The following UNC5C variants were observed in gnomAD, a reference collection of about 807,000 sequenced individuals.
UNC5C encodes the protein unc-5 netrin receptor C.
In UNC5C, 47 loss-of-function variants were observed where a neutral mutation model predicts 99.8. That is an observed-to-expected ratio of 0.47 (90% CI 0.37 to 0.60). The LOEUF is 0.60. Ranked by LOEUF, UNC5C falls within the 20% of genes least tolerant of loss-of-function variation. The probability of loss-of-function intolerance (pLI) is 0.00; values close to 1 mark genes in which losing one functional copy is unlikely to be tolerated. For missense variants in UNC5C, 1,062 were observed against 1,165.9 expected (o/e 0.91, Z 1.30); for synonymous variants, 487 against 452.2 (o/e 1.08, Z -0.98).
In UNC5C at chr4:95,401,964, C is replaced by G. The variant is rs531771511; in HGVS notation, c.125-66333G>C. Among the ~76,000 whole-genome samples the G allele has an allele frequency of 2.6e-5, 4 of 152,268 alleles. No homozygotes were observed. The East Asian group carries it at 7.7e-4, about 29-fold the overall frequency. On this transcript the variant is annotated intron_variant, in intron 1 of 15. Coordinates refer to ENST00000453304, the MANE Select transcript of UNC5C (RefSeq NM_003728.4). ...TCGAAAGTGGTATCTTACTGTGGTT[C>G]TTGAAGATGTGGACAGTGGTTATTA...
chr4:95,447,431 A>G (rs2149465942), intron 1 of UNC5C, among the ~76,000 whole-genome samples: 1 of 152,364 alleles, frequency 6.6e-6, no homozygotes, highest in South Asian at 2.1e-4. Context: ...CAACTAGCCC[A>G]GTGTCACATA....
intron 5 of UNC5C, chr4:95,248,442 G>A (rs1018415374): frequency 1.0e-4 from 42 of 413,184 alleles, no homozygotes; most frequent in Middle Eastern, 7.8e-4. Context: ...TAATAAGATC[G>A]ATACAGAATT....
rs138338801 is a variant in UNC5C at position 95,413,552 on chromosome 4, A to T, written c.125-77921T>A. On this transcript the variant is annotated intron_variant, in intron 1 of 15. Coordinates refer to ENST00000453304, the MANE Select transcript of UNC5C (RefSeq NM_003728.4). ...TTACCTTTGCACTTTATTGAATATA[A>T]TACGATTCAGAATAATCAACTGAAT... Among the ~76,000 whole-genome samples, 13 of 152,326 alleles carry T rather than the reference A, an allele frequency of 8.5e-5. No individual in the cohort carries two copies. The East Asian group carries it at 2.3e-3, about 27-fold the overall frequency.
chr4:95,408,673 T>C (rs560749050), intron 1 of UNC5C, among the ~76,000 whole-genome samples: 1 of 152,298 alleles, frequency 6.6e-6, no homozygotes, highest in South Asian at 2.1e-4. Flanking sequence ...TATTTGTGCT[T>C]AGGGCACTGA....
intron 1 of UNC5C, among the ~76,000 whole-genome samples, chr4:95,546,699 C>T (rs537551748): frequency 9.9e-5 from 15 of 152,152 alleles, no homozygotes; most frequent in Non-Finnish European, 1.5e-4. Context: ...ACAAAAAGTG[C>T]AAGAGAAAAA....
chr4:95,270,403 TTA>T (rs993939578), intron 4 of UNC5C, among the ~76,000 whole-genome samples: 2 of 147,990 alleles, frequency 1.4e-5, no homozygotes, highest in Non-Finnish European at 3.0e-5. Context: ...CAAGCTGAAA[TTA>T]TATCTTTAGA....
chr4:95,493,372 T>C (rs1220082366), intron 1 of UNC5C, among the ~76,000 whole-genome samples: 2 of 151,392 alleles, frequency 1.3e-5, no homozygotes, highest in South Asian at 4.1e-4. Flanking sequence ...AATTCATGGT[T>C]GGAAAGATGG....
At chr4:95,199,683 TGAGGA>T (rs1211743584) in intron 12 of UNC5C, among the ~76,000 whole-genome samples, 1 of 152,196 alleles carries the variant, frequency 6.6e-6, no homozygotes, top group Non-Finnish European at 1.5e-5. Flanking sequence ...ACAAGGTGGC[TGAGGA>T]GAGAACTATG....
At chr4:95,359,533 T>C (rs1216619621) in intron 1 of UNC5C, among the ~76,000 whole-genome samples, 1 of 152,002 alleles carries the variant, frequency 6.6e-6, no homozygotes, top group African/African-American at 2.4e-5. Flanking sequence ...GCCATTTTTC[T>C]ACATTATTTA....
intron 2 of UNC5C, among the ~76,000 whole-genome samples, chr4:95,315,195 A>G (rs988028951): frequency 6.6e-6 from 1 of 152,150 alleles, no homozygotes; most frequent in Non-Finnish European, 1.5e-5. Context: ...AGCATATTAT[A>G]TTCCATATCA....
intron 5 of UNC5C, among the ~76,000 whole-genome samples, chr4:95,248,916 C>T (rs1739595921): frequency 6.6e-6 from 1 of 152,188 alleles, no homozygotes; most frequent in South Asian, 2.1e-4. Context: ...TTCCCATTCA[C>T]TCACTACTCC....
intron 1 of UNC5C, among the ~76,000 whole-genome samples, chr4:95,541,016 A>G (rs186895513): frequency 1.3e-5 from 2 of 152,320 alleles, no homozygotes; most frequent in East Asian, 3.9e-4. Flanking sequence ...AATTCCAAAA[A>G]GATATTAGAA....
chr4:95,318,749 T>C (rs556672975), intron 2 of UNC5C, among the ~76,000 whole-genome samples: 2 of 152,272 alleles, frequency 1.3e-5, no homozygotes, highest in Non-Finnish European at 2.9e-5. Context: ...AAATTTTAAT[T>C]CACTTAAGCC....
intron 2 of UNC5C, among the ~76,000 whole-genome samples, chr4:95,323,619 C>T (rs1211448082): frequency 2.6e-5 from 4 of 152,192 alleles, no homozygotes; most frequent in African/African-American, 9.6e-5. Context: ...TTATACAGAT[C>T]TCCCGTAGTT....
At chr4:95,343,997 T>C (rs557369409) in intron 1 of UNC5C, among the ~76,000 whole-genome samples, 1 of 151,282 alleles carries the variant, frequency 6.6e-6, no homozygotes. Flanking sequence ...AAAGAGGAGG[T>C]AGAGAGAGAT....
intron 2 of UNC5C, among the ~76,000 whole-genome samples, chr4:95,326,920 T>C (rs1000098647): frequency 6.6e-6 from 1 of 152,220 alleles, no homozygotes; most frequent in African/African-American, 2.4e-5. Flanking sequence ...AGCTTGTCAC[T>C]AAATATCCTT....
intron 1 of UNC5C, among the ~76,000 whole-genome samples, chr4:95,385,640 A>G (rs1021182570): frequency 4.6e-5 from 7 of 152,110 alleles, no homozygotes; most frequent in African/African-American, 1.7e-4. Flanking sequence ...CAAAATTACT[A>G]TGTTTACTGA....
At chr4:95,400,285 G>C (rs535816207) in intron 1 of UNC5C, among the ~76,000 whole-genome samples, 1 of 151,880 alleles carries the variant, frequency 6.6e-6, no homozygotes, top group Non-Finnish European at 1.5e-5. Flanking sequence ...TTCTGAGAGA[G>C]GAGAAATGTC....
In UNC5C at chr4:95,483,254, A is replaced by C. The variant is rs891639335; in HGVS notation, c.124+65480T>G. Among the ~76,000 whole-genome samples the C allele has an allele frequency of 2.6e-5, 4 of 151,842 alleles. No homozygotes were observed. In the East Asian group the frequency reaches 5.9e-4, roughly 22 times the overall value. On this transcript the variant is annotated intron_variant, in intron 1 of 15. Coordinates refer to ENST00000453304, the MANE Select transcript of UNC5C (RefSeq NM_003728.4). ...TCCCTTCTGTCTTTCCTTCTTTGAC[A>C]GTTCACCTCCTGTCAAGTGAACTTA...
Sources: gnomAD v4.1 joint callset for allele counts (sites outside exome capture counted in the v4.1 genomes callset) on GRCh38, gnomAD v4.1.1 for gene constraint, MANE v1.5 for transcripts, NCBI Gene and HGNC (gene_info 2026-07-23, HGNC 2026-07-21) for gene names.